MTRF1: variants seen among roughly 807,000 people sequenced by gnomAD.
MTRF1 encodes peptide chain release factor 1, mitochondrial.
MTRF1 carries 51 observed loss-of-function variants against 62.9 expected under a neutral mutation model. The observed-to-expected ratio is 0.81, with a 90% CI of 0.65 to 1.02. The LOEUF is 1.02. Among genes scored for constraint, MTRF1 ranks in the 50% least tolerant of loss-of-function variants. The pLI, the probability that MTRF1 is intolerant of heterozygous loss-of-function variation, is 0.00. For missense variants in MTRF1, 446 were observed against 530.0 expected (o/e 0.84, Z 1.56); for synonymous variants, 158 against 181.9 (o/e 0.87, Z 1.06).
intron 1 of MTRF1, 186 bp downstream of exon 1, chr13:41,263,299 T>C (rs893032582): frequency 7.8e-7 from 1 of 1,289,336 alleles, no homozygotes. Flanking sequence ...ACTTCTCCAT[T>C]ACCCATCACA....
the MTRF1 span, among the ~76,000 whole-genome samples, chr13:41,286,400 A>G: frequency 6.6e-6 from 1 of 152,202 alleles, no homozygotes; most frequent in Non-Finnish European, 1.5e-5. Context: ...AGGTCTTCTA[A>G]GACTGAAGGT....
the MTRF1 span, among the ~76,000 whole-genome samples, chr13:41,284,020 T>G: frequency 1.2e-4 from 17 of 142,210 alleles, no homozygotes; most frequent in African/African-American, 3.4e-4. Flanking sequence ...CACAATCAGG[T>G]AAGACGCAAC....
intron 3 of MTRF1, 72 bp downstream of exon 3, chr13:41,254,457 G>A (rs1336848476): frequency 7.3e-6 from 8 of 1,099,566 alleles, no homozygotes; most frequent in South Asian, 4.4e-5. Flanking sequence ...TATGAGCACC[G>A]AAGCAGAGTC....
intron 5 of MTRF1, among the ~76,000 whole-genome samples, chr13:41,246,478 C>T (rs758530437): frequency 1.3e-5 from 2 of 152,006 alleles, no homozygotes; most frequent in Non-Finnish European, 2.9e-5. Context: ...TTTAGATTAC[C>T]CTTGAAAATG....
chr13:41,281,219 CT>C, the MTRF1 span, among the ~76,000 whole-genome samples: 1 of 152,308 alleles, frequency 6.6e-6, no homozygotes, highest in Non-Finnish European at 1.5e-5. Context: ...GCCAGTTTCA[CT>C]CCTCTATCAA....
chr13:41,253,082 T>C (rs766416981), intron 3 of MTRF1, 52 bp from the exon 4 acceptor site: 1 of 1,358,104 alleles, frequency 7.4e-7, no homozygotes, highest in South Asian at 1.3e-5. Context: ...ACACTATTAC[T>C]GAATTAAATA....
intron 7 of MTRF1, among the ~76,000 whole-genome samples, chr13:41,227,552 G>A (rs2034671436): frequency 6.6e-6 from 1 of 152,138 alleles, no homozygotes; most frequent in Non-Finnish European, 1.5e-5. Flanking sequence ...ATCCAGCTCT[G>A]AAACGATCAC....
At chr13:41,275,084 A>G in the MTRF1 span, among the ~76,000 whole-genome samples, 5 of 152,186 alleles carry the variant, frequency 3.3e-5, no homozygotes, top group African/African-American at 1.2e-4. Flanking sequence ...TGATGTTAAC[A>G]TCGTTCTCGA....
chr13:41,218,946 T>G (rs1218110979), intron 9 of MTRF1, among the ~76,000 whole-genome samples: 1 of 152,346 alleles, frequency 6.6e-6, no homozygotes, highest in Non-Finnish European at 1.5e-5. Flanking sequence ...GATATAACTT[T>G]AAAATTAAGG....
the MTRF1 span, among the ~76,000 whole-genome samples, chr13:41,279,440 A>C: frequency 2.0e-5 from 3 of 152,224 alleles, no homozygotes; most frequent in African/African-American, 7.2e-5. Context: ...TCCTTAGATA[A>C]TAACTCTTTC....
chr13:41,226,583 G>A lies in MTRF1; in HGVS notation c.989-15C>T. On this transcript the variant is annotated splice_polypyrimidine_tract_variant and intron_variant, in intron 7 of 9. Coordinates refer to ENST00000379480, the MANE Select transcript of MTRF1 (RefSeq NM_004294.4). ...TACTACTAGCCCTGAAAAATAACAG[G>A]GATCAGAAGGTAAACTGTAGCTTCC... 1 of 1,612,408 alleles carries A rather than the reference G, an allele frequency of 6.2e-7. No individual in the cohort carries two copies. Among genetic ancestry groups the A allele is most frequent in the Non-Finnish European group, 8.5e-7 (1 of 1,179,760 alleles).
At chr13:41,254,389 G>A (rs1174262643) in intron 3 of MTRF1, 140 bp downstream of exon 3, 3 of 447,728 alleles carry the variant, frequency 6.7e-6, no homozygotes, top group South Asian at 1.5e-4. Context: ...GCAAATTACA[G>A]GAGACCAGCT....
chr13:41,217,371 C>T (rs1439452285), intron 9 of MTRF1, 143 bp from the exon 10 acceptor site: 10 of 476,416 alleles, frequency 2.1e-5, no homozygotes, highest in East Asian at 6.6e-5. Context: ...TGAACACAAT[C>T]GCTAACTTGG....
the MTRF1 span, among the ~76,000 whole-genome samples, chr13:41,272,116 G>C: frequency 3.4e-3 from 515 of 152,230 alleles, 3 homozygotes; most frequent in East Asian, 0.017. Flanking sequence ...AAAGAGATCA[G>C]GTCATGTAAA....
chr13:41,276,519 G>C, the MTRF1 span, among the ~76,000 whole-genome samples: 1 of 152,194 alleles, frequency 6.6e-6, no homozygotes, highest in Non-Finnish European at 1.5e-5. Context: ...ACTCTGCTAA[G>C]TGCTGGGGTC....
the MTRF1 span, chr13:41,311,716 T>TCGCGGGACCCCACTTTCCCG: frequency 1.3e-6 from 1 of 776,936 alleles, no homozygotes; most frequent in South Asian, 1.7e-5. Context: ...ACCTCGGAGG[T>TCGCGGGACCCCACTTTCCCG]CGCGGGACCC....
chr13:41,307,347 T>G, the MTRF1 span, among the ~76,000 whole-genome samples: 3 of 152,116 alleles, frequency 2.0e-5, no homozygotes, highest in East Asian at 5.8e-4. Context: ...GTAGCACCGC[T>G]GGGCATTGTG....
intron 3 of MTRF1, 40 bp from the exon 4 acceptor site, chr13:41,253,070 G>A: frequency 7.0e-7 from 1 of 1,430,182 alleles, no homozygotes; most frequent in East Asian, 2.3e-5. Flanking sequence ...ATTTTCCCCG[G>A]TACACTATTA....
chr13:41,262,381 A>G (rs2040567675), intron 1 of MTRF1: 1 of 152,048 alleles, frequency 6.6e-6, no homozygotes, highest in South Asian at 2.1e-4. Context: ...ATGTTAATAA[A>G]ATGATCTCTA....
Sources: allele counts gnomAD v4.1 joint callset (sites outside exome capture counted in the v4.1 genomes callset), GRCh38; gene constraint gnomAD v4.1.1; transcripts MANE v1.5; gene names NCBI Gene and HGNC (gene_info 2026-07-23, HGNC 2026-07-21).